The following LYST variants were observed in gnomAD, a reference collection of about 807,000 sequenced individuals.
The protein encoded by LYST is lysosomal trafficking regulator, also known as lysosomal-trafficking regulator.
LYST carries 192 observed loss-of-function variants against 413.6 expected under a neutral mutation model. The ratio of observed to expected loss-of-function variants is 0.46; its 90% CI spans 0.41 to 0.52. The LOEUF is 0.52. Among genes scored for constraint, LYST ranks in the 20% least tolerant of loss-of-function variants. The pLI, the probability that LYST is intolerant of heterozygous loss-of-function variation, is 0.00. For missense variants in LYST, 3,815 were observed against 4,499.9 expected (o/e 0.85, Z 4.35); for synonymous variants, 1,525 against 1,567.3 (o/e 0.97, Z 0.64).
chr1:235,845,462 T>C (rs954121216), intron 1 of LYST, among the ~76,000 whole-genome samples: 1 of 152,114 alleles, frequency 6.6e-6, no homozygotes, highest in Admixed American at 6.5e-5. Flanking sequence ...TTTCTAACAA[T>C]TTGAACGCGG....
chr1:235,693,559 GA>G, intron 46 of LYST, 73 bp from the exon 47 acceptor site: 1 of 1,556,820 alleles, frequency 6.4e-7, no homozygotes, highest in Non-Finnish European at 8.8e-7. Context: ...AAAACTGGCA[GA>G]TTAAAGGGTG....
At chr1:235,666,109 G>T (rs148859722) in intron 50 of LYST, among the ~76,000 whole-genome samples, 1 of 151,708 alleles carries the variant, frequency 6.6e-6, no homozygotes, top group Non-Finnish European at 1.5e-5. Flanking sequence ...GCCAAAGACC[G>T]CCAAATACCA....
intron 18 of LYST, among the ~76,000 whole-genome samples, 166 bp downstream of exon 18, chr1:235,774,747 T>A (rs1669057228): frequency 6.6e-6 from 1 of 152,202 alleles, no homozygotes; most frequent in African/African-American, 2.4e-5. Flanking sequence ...ATTTAAATGA[T>A]GAAAAGAACT....
At chr1:235,740,475 C>T (rs1297183802) in intron 31 of LYST, among the ~76,000 whole-genome samples, 1 of 152,032 alleles carries the variant, frequency 6.6e-6, no homozygotes, top group African/African-American at 2.4e-5. Context: ...ATCGTCATAT[C>T]TTGGTTTTGC....
intron 25 of LYST, among the ~76,000 whole-genome samples, chr1:235,754,229 C>CTTTTTTTTTTTTTTT (rs71576486): frequency 2.3e-5 from 2 of 86,552 alleles, no homozygotes; most frequent in Admixed American, 1.3e-4. Context: ...CTTTTCTTTT[C>CTTTTTTTTTTTTTTT]TTTTTTTTTT....
intron 36 of LYST, 88 bp downstream of exon 36, chr1:235,730,759 G>A: frequency 1.0e-6 from 1 of 973,058 alleles, no homozygotes; most frequent in Non-Finnish European, 1.6e-6. Flanking sequence ...TGAAAATGAT[G>A]GCATTATATA....
At chr1:235,858,557 T>C (rs189996514) in intron 1 of LYST, among the ~76,000 whole-genome samples, 31 of 152,346 alleles carry the variant, frequency 2.0e-4, no homozygotes, top group African/African-American at 7.5e-4. Flanking sequence ...TTTATTTCCA[T>C]TAATCCTGCA....
intron 1 of LYST, chr1:235,839,620 C>CCCCA (rs1270203993): frequency 2.7e-5 from 4 of 150,902 alleles, no homozygotes; most frequent in African/African-American, 9.9e-5. Context: ...ACGGAGAACC[C>CCCCA]CCCCCACCAC....
rs550123150 is a variant in LYST at position 235,702,775 on chromosome 1, C to T, written c.10346G>A (p.Arg3449Gln). 248 of 1,614,104 alleles carry T rather than the reference C, an allele frequency of 1.5e-4. No individual in the cohort carries two copies. The highest frequency in any genetic ancestry group is 1.7e-4 in the Non-Finnish European group (202 of 1,179,980). Reference sequence around the variant, plus strand: ...ATAGGTGATTTCTTTGACCTGTTCTCGGGTCTCCCTGAAAGCAAACTGCAC... The same window carrying T: ...ATAGGTGATTTCTTTGACCTGTTCTTGGGTCTCCCTGAAAGCAAACTGCAC... Reference protein sequence around the residue: ...LLVQFAFRETREQVKEITYPS... With the variant: ...LLVQFAFRETQEQVKEITYPS... Residue 3449 changes from arginine to glutamine, a missense_variant, in exon 45 of 53, where the codon CGA becomes CAA. Coordinates refer to ENST00000389793, the MANE Select transcript of LYST (RefSeq NM_000081.4).
At chr1:235,678,381 G>C (rs565506033) in intron 48 of LYST, among the ~76,000 whole-genome samples, 165 of 152,192 alleles carry the variant, frequency 1.1e-3, no homozygotes, top group Middle Eastern at 3.4e-3. Context: ...ATGCAAATTG[G>C]TGATGTTACC....
chr1:235,845,215 C>A (rs146507095), intron 1 of LYST, among the ~76,000 whole-genome samples: 1 of 152,304 alleles, frequency 6.6e-6, no homozygotes, highest in African/African-American at 2.4e-5. Flanking sequence ...CACACACCCC[C>A]ACTGGAGAAG....
intron 11 of LYST, among the ~76,000 whole-genome samples, chr1:235,792,383 C>T (rs538962592): frequency 7.9e-5 from 12 of 151,882 alleles, no homozygotes; most frequent in Non-Finnish European, 1.3e-4. Context: ...TGCACAATCT[C>T]GGCTCACTGC....
At chr1:235,744,671 A>G (rs1463082737) in intron 29 of LYST, among the ~76,000 whole-genome samples, 1 of 152,072 alleles carries the variant, frequency 6.6e-6, no homozygotes, top group Non-Finnish European at 1.5e-5. Context: ...AGGTGAAAGC[A>G]CACAGATCAC....
chr1:235,664,760 G>T lies in LYST; in HGVS notation c.11039-139C>A. ...TGTAGACAACCCATGACTGAAGACT[G>T]TATAAATGAAATTACTACACAAGTT... On this transcript the variant is annotated intron_variant, in intron 50 of 52. Transcript: ENST00000389793. This position sits in a 1 kb window ranked among gnomAD's most constrained non-coding sequence, Gnocchi z 4.5. The T allele has an allele frequency of 1.4e-6, 1 of 732,248 alleles. No individual in the cohort carries two copies. Among genetic ancestry groups the T allele is most frequent in the Non-Finnish European group, 2.4e-6 (1 of 416,408 alleles). 45.4% of individuals were successfully genotyped at this position (732,248 alleles called of 1,614,324 possible). A position where few individuals can be genotyped will look rare whatever the true frequency, so the allele number is the denominator to read the frequency against.
chr1:235,668,369 A>C (rs1472378817), intron 50 of LYST, among the ~76,000 whole-genome samples: 1 of 152,162 alleles, frequency 6.6e-6, no homozygotes, highest in Non-Finnish European at 1.5e-5. Flanking sequence ...CCTCTCTTTA[A>C]AAAAGTAATT....
At chr1:235,731,875 T>G (rs1296801524) in intron 34 of LYST, among the ~76,000 whole-genome samples, 1 of 152,164 alleles carries the variant, frequency 6.6e-6, no homozygotes, top group African/African-American at 2.4e-5. Context: ...GCCTACTCTC[T>G]AATGAAACAA....
rs1486161888 is a variant in LYST at position 235,810,553 on chromosome 1, A to G, written c.284-19T>C. 6.2e-7 allele frequency: 1 copy of G among 1,603,952 alleles called. No individual in the cohort carries two copies. The highest frequency in any genetic ancestry group is 1.1e-5 in the South Asian group (1 of 90,956). Reference sequence around the variant, plus strand: ...TTAAAATCTAATGGAATGAAAAAAGAAGGCTTAGAATACCTCAATATGTTT... The same window carrying G: ...TTAAAATCTAATGGAATGAAAAAAGGAGGCTTAGAATACCTCAATATGTTT... On this transcript the variant is annotated intron_variant, in intron 4 of 52. Transcript: ENST00000389793.
intron 40 of LYST, among the ~76,000 whole-genome samples, chr1:235,719,976 G>A (rs1663205602): frequency 1.3e-5 from 2 of 151,928 alleles, no homozygotes; most frequent in Admixed American, 6.6e-5. Flanking sequence ...AAGAGATAGA[G>A]ACCATCCTGG....
intron 31 of LYST, chr1:235,737,780 C>A (rs992851613): frequency 2.5e-6 from 1 of 393,988 alleles, no homozygotes; most frequent in Non-Finnish European, 3.5e-6. Context: ...AAAACAAATA[C>A]AAGAATTAGA....
Sources: allele counts gnomAD v4.1 joint callset (sites outside exome capture counted in the v4.1 genomes callset), GRCh38; gene constraint gnomAD v4.1.1; non-coding constraint Gnocchi (gnomAD v3.1); transcripts MANE v1.5; gene names NCBI Gene and HGNC (gene_info 2026-07-23, HGNC 2026-07-21).